The following ATF6 variants were observed in gnomAD, a reference collection of about 807,000 sequenced individuals.
The protein encoded by ATF6 is activating transcription factor 6, also known as cyclic AMP-dependent transcription factor ATF-6 alpha.
ATF6 carries 53 observed loss-of-function variants against 83.6 expected under a neutral mutation model. The observed-to-expected ratio is 0.63, with a 90% CI of 0.51 to 0.80. ATF6 has a LOEUF of 0.80. ATF6 is among the 30% of genes least tolerant of loss of function. The pLI, the probability that ATF6 is intolerant of heterozygous loss-of-function variation, is 0.00. For synonymous variants in ATF6, 288 were observed against 285.8 expected (o/e 1.01, Z -0.08); for missense variants, 744 against 797.9 (o/e 0.93, Z 0.81).
At chr1:161,786,676 G>C (rs1684754810) in intron 4 of ATF6, among the ~76,000 whole-genome samples, 1 of 152,082 alleles carries the variant, frequency 6.6e-6, no homozygotes, top group Non-Finnish European at 1.5e-5. Context: ...TTCAGAGTAA[G>C]TTACCAGTCC....
At chr1:161,806,173 G>A (rs960752053) in intron 7 of ATF6, among the ~76,000 whole-genome samples, 1 of 152,170 alleles carries the variant, frequency 6.6e-6, no homozygotes, top group African/African-American at 2.4e-5. Context: ...TCTCTGTGCA[G>A]TTTCTTAGTA....
intron 14 of ATF6, among the ~76,000 whole-genome samples, chr1:161,894,702 A>ATTTTTTTT (rs59848309): frequency 1.8e-5 from 2 of 109,166 alleles, no homozygotes; most frequent in African/African-American, 4.1e-5. Context: ...AGCCGGGCTA[A>ATTTTTTTT]TTTTTTTTTT....
At chr1:161,841,138 A>T (rs1474808443) in intron 9 of ATF6, among the ~76,000 whole-genome samples, 1 of 152,206 alleles carries the variant, frequency 6.6e-6, no homozygotes, top group African/African-American at 2.4e-5. Flanking sequence ...CATATAAATA[A>T]TAATTTTCTC....
At chr1:161,869,844 T>C (rs1687084663) in intron 14 of ATF6, among the ~76,000 whole-genome samples, 1 of 151,888 alleles carries the variant, frequency 6.6e-6, no homozygotes, top group African/African-American at 2.4e-5. Context: ...CTTTGTAGTT[T>C]ACAAACCTCT....
intron 14 of ATF6, among the ~76,000 whole-genome samples, chr1:161,908,135 T>A (rs1687913408): frequency 6.6e-6 from 1 of 152,196 alleles, no homozygotes; most frequent in African/African-American, 2.4e-5. Context: ...TTCCCTGTGC[T>A]ATGGGCACCA....
chr1:161,815,225 T>C (rs921153516), intron 7 of ATF6, among the ~76,000 whole-genome samples: 3 of 140,780 alleles, frequency 2.1e-5, no homozygotes, highest in African/African-American at 8.0e-5. Context: ...AGGCTCTTAC[T>C]CTGTCACCCA....
intron 4 of ATF6, among the ~76,000 whole-genome samples, chr1:161,789,351 C>T (rs1423077386): frequency 6.7e-6 from 1 of 149,284 alleles, no homozygotes; most frequent in Non-Finnish European, 1.5e-5. Context: ...ATCCTTCTAC[C>T]CTATGTTCAT....
intron 6 of ATF6, among the ~76,000 whole-genome samples, chr1:161,794,431 C>G (rs914687198): frequency 6.6e-6 from 1 of 152,090 alleles, no homozygotes; most frequent in Non-Finnish European, 1.5e-5. Context: ...GAATGTAAAA[C>G]TCTTCACAAT....
chr1:161,812,310 TG>T (rs1571152624), intron 7 of ATF6, among the ~76,000 whole-genome samples: 1 of 150,758 alleles, frequency 6.6e-6, no homozygotes, highest in African/African-American at 2.4e-5. Flanking sequence ...TGTGTGTGTG[TG>T]TGTTTTAATT....
chr1:161,809,000 C>T (rs576649664), intron 7 of ATF6, among the ~76,000 whole-genome samples: 107 of 152,194 alleles, frequency 7.0e-4, no homozygotes, highest in Non-Finnish European at 1.4e-3. Flanking sequence ...TAACTTGGTA[C>T]TTATTTCATT....
intron 1 of ATF6, among the ~76,000 whole-genome samples, chr1:161,770,841 T>A (rs1159308656): frequency 6.6e-6 from 1 of 152,214 alleles, no homozygotes; most frequent in South Asian, 2.1e-4. Flanking sequence ...TGGGTAAATA[T>A]CAAGGAGCAC....
At chr1:161,881,701 G>A (rs1687329988) in intron 14 of ATF6, among the ~76,000 whole-genome samples, 1 of 152,026 alleles carries the variant, frequency 6.6e-6, no homozygotes, top group South Asian at 2.1e-4. Context: ...TACATGACTT[G>A]TAAATATTTT....
intron 9 of ATF6, among the ~76,000 whole-genome samples, chr1:161,824,931 T>C (rs1269790649): frequency 6.6e-6 from 1 of 152,186 alleles, no homozygotes; most frequent in African/African-American, 2.4e-5. Context: ...CATATAAACA[T>C]ATAGGCATTA....
intron 15 of ATF6, among the ~76,000 whole-genome samples, chr1:161,925,608 C>T (rs1024097272): frequency 6.6e-6 from 1 of 152,166 alleles, no homozygotes; most frequent in African/African-American, 2.4e-5. Context: ...TTATCATCAA[C>T]TTCCCTGCTA....
At chr1:161,773,704 T>C (rs1158867124) in intron 1 of ATF6, among the ~76,000 whole-genome samples, 2 of 152,200 alleles carry the variant, frequency 1.3e-5, no homozygotes, top group Admixed American at 1.3e-4. Context: ...GTTTGTTGAG[T>C]ACACTAAAAA....
intron 12 of ATF6, among the ~76,000 whole-genome samples, chr1:161,859,816 A>G (rs994248378): frequency 2.6e-5 from 4 of 152,182 alleles, no homozygotes; most frequent in African/African-American, 9.6e-5. Flanking sequence ...AGTAAACAAT[A>G]GGATCTAGTT....
chr1:161,870,072 C>T (rs561236632), intron 14 of ATF6, among the ~76,000 whole-genome samples: 1 of 151,306 alleles, frequency 6.6e-6, no homozygotes, highest in Non-Finnish European at 1.5e-5. Flanking sequence ...ATATCTGGCA[C>T]TTTTAGATGT....
intron 14 of ATF6, among the ~76,000 whole-genome samples, chr1:161,878,992 A>G (rs1236178139): frequency 1.3e-5 from 2 of 152,144 alleles, no homozygotes; most frequent in African/African-American, 2.4e-5. Flanking sequence ...GAATGAACCC[A>G]TAGATAGGAA....
intron 15 of ATF6, among the ~76,000 whole-genome samples, chr1:161,944,922 C>G (rs1688721339): frequency 6.6e-6 from 1 of 151,966 alleles, no homozygotes; most frequent in Non-Finnish European, 1.5e-5. Context: ...TTATCCAGCT[C>G]TATACAAGTT....
Sources: gnomAD v4.1 joint callset for allele counts (sites outside exome capture counted in the v4.1 genomes callset) on GRCh38, gnomAD v4.1.1 for gene constraint, MANE v1.5 for transcripts, NCBI Gene and HGNC (gene_info 2026-07-23, HGNC 2026-07-21) for gene names.